TAFA1: variants seen among roughly 807,000 people sequenced by gnomAD.
The protein encoded by TAFA1 is TAFA chemokine like family member 1, also known as chemokine-like protein TAFA-1.
A neutral mutation model predicts 18.5 loss-of-function variants in TAFA1; 4 were observed. The ratio of observed to expected loss-of-function variants is 0.22; its 90% confidence interval spans 0.11 to 0.49. The LOEUF (loss-of-function observed/expected upper bound fraction) is 0.49, where lower values mean the gene tolerates loss of function less well. TAFA1 is among the 20% of genes least tolerant of loss of function. TAFA1 has a pLI of 0.98. For synonymous variants in TAFA1, 56 were observed against 55.2 expected, an observed-to-expected ratio of 1.01 and a Z score of -0.06; for missense variants, 147 against 169.0, an observed-to-expected ratio of 0.87 and a Z score of 0.72.
chr3:68,237,764 A>T (rs184547936), intron 2 of TAFA1, among the ~76,000 whole-genome samples: 1 of 152,222 alleles, frequency 6.6e-6, no homozygotes, highest in African/African-American at 2.4e-5. Context: ...TCAGAGCCCA[A>T]TCAGAAATGA....
At chr3:68,127,988 T>A in intron 2 of TAFA1, among the ~76,000 whole-genome samples, 2 of 152,024 alleles carry the variant, frequency 1.3e-5, no homozygotes, top group African/African-American at 4.8e-5. Flanking sequence ...ATGATGATGG[T>A]ATTGGTAATA....
At chr3:68,517,905 T>C (rs2072948926) in intron 3 of TAFA1, among the ~76,000 whole-genome samples, 1 of 149,168 alleles carries the variant, frequency 6.7e-6, no homozygotes, top group Admixed American at 6.8e-5. Context: ...TACCCAGCCT[T>C]ATCTGCTCCC....
intron 2 of TAFA1, among the ~76,000 whole-genome samples, chr3:68,080,353 A>G (rs1234921676): frequency 6.6e-6 from 1 of 151,548 alleles, no homozygotes; most frequent in Non-Finnish European, 1.5e-5. Flanking sequence ...TGATCCTGTC[A>G]TTATGAGGTT....
intron 2 of TAFA1, among the ~76,000 whole-genome samples, chr3:68,278,093 A>T (rs751833964): frequency 1.3e-5 from 2 of 152,294 alleles, no homozygotes; most frequent in East Asian, 3.9e-4. Context: ...TGTGTGAAGC[A>T]TGTTTAAACA....
chr3:68,255,663 G>A (rs905240202), intron 2 of TAFA1, among the ~76,000 whole-genome samples: 1 of 151,724 alleles, frequency 6.6e-6, no homozygotes, highest in Non-Finnish European at 1.5e-5. Flanking sequence ...GTTTTATAGG[G>A]TTTTTTTTAA....
At chr3:68,460,759 G>T (rs1244282255) in intron 3 of TAFA1, among the ~76,000 whole-genome samples, 2 of 152,208 alleles carry the variant, frequency 1.3e-5, no homozygotes, top group African/African-American at 2.4e-5. Flanking sequence ...TGATTCCATA[G>T]ACCTGGGCTA....
intron 2 of TAFA1, among the ~76,000 whole-genome samples, chr3:68,353,669 C>T (rs779373080): frequency 1.6e-4 from 24 of 151,874 alleles, no homozygotes; most frequent in South Asian, 4.1e-4. Flanking sequence ...ACAGAAAAAT[C>T]GAGCCTGAGG....
At chr3:68,091,248 A>C (rs1212052918) in intron 2 of TAFA1, among the ~76,000 whole-genome samples, 2 of 152,218 alleles carry the variant, frequency 1.3e-5, no homozygotes, top group Non-Finnish European at 2.9e-5. Context: ...ATAGGTTGGC[A>C]GTTATCTGAA....
chr3:68,341,396 G>A (rs913992121), intron 2 of TAFA1, among the ~76,000 whole-genome samples: 2 of 152,140 alleles, frequency 1.3e-5, no homozygotes, highest in Admixed American at 6.5e-5. Context: ...ACCCAGTGCA[G>A]GGTCTGCAAA....
intron 2 of TAFA1, among the ~76,000 whole-genome samples, chr3:68,065,736 GTGTGTATATATATATA>G (rs1236990175): frequency 4.4e-5 from 6 of 135,512 alleles, no homozygotes; most frequent in African/African-American, 1.7e-4. Flanking sequence ...GTATGTGTGT[GTGTGTATATATATATA>G]TATATATATA....
chr3:68,373,635 A>G (rs938216549), intron 2 of TAFA1, among the ~76,000 whole-genome samples: 1 of 152,200 alleles, frequency 6.6e-6, no homozygotes, highest in African/African-American at 2.4e-5. Flanking sequence ...TGTTTCACAC[A>G]GCAGACACCA....
chr3:68,273,331 G>A (rs2067714278), intron 2 of TAFA1, among the ~76,000 whole-genome samples: 1 of 152,172 alleles, frequency 6.6e-6, no homozygotes, highest in South Asian at 2.1e-4. Flanking sequence ...AGTTGCAGTT[G>A]GAGAAAGGAA....
chr3:68,171,168 G>A (rs185306062), intron 2 of TAFA1, among the ~76,000 whole-genome samples: 3 of 152,112 alleles, frequency 2.0e-5, no homozygotes, highest in African/African-American at 4.8e-5. Context: ...AATCACAAAG[G>A]TTCTTTAAAT....
intron 2 of TAFA1, among the ~76,000 whole-genome samples, chr3:68,191,093 A>T (rs2107012961): frequency 6.6e-6 from 1 of 151,954 alleles, no homozygotes; most frequent in Non-Finnish European, 1.5e-5. Context: ...TGAAATCCCC[A>T]TGTGAAGAGA....
At chr3:68,116,816 A>T (rs2065330275) in intron 2 of TAFA1, among the ~76,000 whole-genome samples, 1 of 152,160 alleles carries the variant, frequency 6.6e-6, no homozygotes. Context: ...AATCCAGCCC[A>T]CCTGCCTGGG....
Position 68,325,946 on chromosome 3 carries a change from C to T in TAFA1, c.119-91334C>T, listed in dbSNP as rs549788378. Among the ~76,000 whole-genome samples, 4 of 152,210 alleles carry T rather than the reference C, an allele frequency of 2.6e-5. No individual in the cohort carries two copies. In the East Asian group the frequency reaches 7.7e-4, roughly 29 times the overall value. On this transcript the variant is annotated intron_variant, in intron 2 of 4. Transcript: ENST00000478136. ...CCAGATCCCAAATTCACAATCACTG[C>T]TTTGTGATTGGGAAGCTGTTACACA...
At chr3:68,384,220 G>C (rs1477442472) in intron 2 of TAFA1, among the ~76,000 whole-genome samples, 1 of 151,938 alleles carries the variant, frequency 6.6e-6, no homozygotes, top group East Asian at 1.9e-4. Flanking sequence ...TCTTCTGCTA[G>C]CTCTGGGATT....
chr3:68,394,271 A>G (rs1384229008), intron 2 of TAFA1, among the ~76,000 whole-genome samples: 1 of 152,184 alleles, frequency 6.6e-6, no homozygotes, highest in Non-Finnish European at 1.5e-5. Context: ...TTCAGGGAGA[A>G]CTACAAACCA....
intron 2 of TAFA1, among the ~76,000 whole-genome samples, chr3:68,325,241 TAGA>T (rs1246805493): frequency 6.6e-6 from 1 of 152,190 alleles, no homozygotes; most frequent in Middle Eastern, 3.2e-3. Flanking sequence ...TCACCATTTG[TAGA>T]AGATTAAGCT....
Sources: allele counts gnomAD v4.1 joint callset (sites outside exome capture counted in the v4.1 genomes callset), GRCh38; gene constraint gnomAD v4.1.1; transcripts MANE v1.5; gene names NCBI Gene and HGNC (gene_info 2026-07-23, HGNC 2026-07-21).